TIMD4: variants seen among roughly 807,000 people sequenced by gnomAD.
The protein encoded by TIMD4 is T cell immunoglobulin and mucin domain containing 4, also known as T-cell immunoglobulin and mucin domain-containing protein 4.
In TIMD4, 31 loss-of-function variants were observed where a neutral mutation model predicts 41.2. The ratio of observed to expected loss-of-function variants is 0.75; its 90% CI spans 0.57 to 1.01. TIMD4 has a LOEUF of 1.01. Among genes scored for constraint, TIMD4 ranks in the 50% least tolerant of loss-of-function variants. The pLI is 0.00. For synonymous variants in TIMD4, 204 were observed against 177.1 expected (o/e 1.15, Z -1.21); for missense variants, 479 against 472.5 (o/e 1.01, Z -0.13).
chr5:156,936,075 C>T (rs968408698), intron 5 of TIMD4, among the ~76,000 whole-genome samples: 5 of 151,782 alleles, frequency 3.3e-5, no homozygotes, highest in Non-Finnish European at 2.9e-5. Context: ...ACCATCTCTA[C>T]AAAATAAAAA....
intron 5 of TIMD4, among the ~76,000 whole-genome samples, chr5:156,928,350 G>C (rs1759385387): frequency 6.6e-6 from 1 of 151,782 alleles, no homozygotes; most frequent in Admixed American, 6.6e-5. Context: ...AGAAGAGCAG[G>C]GATCCTGGAA....
intron 3 of TIMD4, 70 bp downstream of exon 3, chr5:156,951,442 A>G: frequency 6.4e-7 from 1 of 1,572,330 alleles, no homozygotes; most frequent in Non-Finnish European, 8.7e-7. Context: ...ACTGAGAGAG[A>G]GCAAGTCACT....
chr5:156,954,238 T>G (rs1457318395), intron 2 of TIMD4, among the ~76,000 whole-genome samples, 177 bp downstream of exon 2: 1 of 152,206 alleles, frequency 6.6e-6, no homozygotes, highest in African/African-American at 2.4e-5. Context: ...TCCACTCATT[T>G]CTGTGGCTGC....
intron 5 of TIMD4, among the ~76,000 whole-genome samples, chr5:156,943,273 AT>A (rs1368860854): frequency 6.6e-6 from 1 of 152,214 alleles, no homozygotes; most frequent in Non-Finnish European, 1.5e-5. Flanking sequence ...CAAGCCAGTA[AT>A]TATGTACTAG....
At chr5:156,928,364 A>G (rs2862058) in intron 5 of TIMD4, among the ~76,000 whole-genome samples, 52,061 of 151,538 alleles carry the variant, frequency 0.34, 10,169 homozygotes, top group African/African-American at 0.54. Context: ...CCTGGAAAAC[A>G]TCAGCATTAA....
intron 5 of TIMD4, 91 bp downstream of exon 5, chr5:156,948,325 A>C: frequency 9.0e-6 from 2 of 222,748 alleles, no homozygotes; most frequent in Non-Finnish European, 1.5e-5. Context: ...TCATCTCTAC[A>C]AAAAAAAAAA....
In TIMD4 at chr5:156,945,450, G is replaced by T. The variant is rs540869599; in HGVS notation, c.844+2966C>A. The stretch of plus-strand genomic sequence containing the variant: ...CTCCATTTCTTTACCTATAAAATGA[G>T]GATAATATCTGTAGCTGCCTAGGAG... On this transcript the variant is annotated intron_variant, in intron 5 of 8. Transcript: ENST00000274532. Among the ~76,000 whole-genome samples, 7 of 152,224 alleles carry T rather than the reference G, an allele frequency of 4.6e-5. No individual in the cohort carries two copies. In the South Asian group the frequency reaches 1.5e-3, roughly 32 times the overall value.
intron 1 of TIMD4, among the ~76,000 whole-genome samples, chr5:156,961,955 TGTTAA>T (rs910602610): frequency 4.0e-5 from 6 of 151,310 alleles, no homozygotes; most frequent in African/African-American, 4.9e-5. Flanking sequence ...ATTAATATTG[TGTTAA>T]GTTAAGCTAG....
At chr5:156,956,911 T>C (rs984131548) in intron 1 of TIMD4, among the ~76,000 whole-genome samples, 1 of 152,196 alleles carries the variant, frequency 6.6e-6, no homozygotes, top group African/African-American at 2.4e-5. Context: ...GCTGTGCTCC[T>C]CCTTGACTCA....
chr5:156,954,703 A>G lies in TIMD4; in HGVS notation c.112T>C (p.Leu38=). Reference sequence around the variant, plus strand: ...GACCAGGATGAGTACAGACAGGGCAAAGTCACCCGGTGACCCAAAACCTCC... The same window carrying G: ...GACCAGGATGAGTACAGACAGGGCAGAGTCACCCGGTGACCCAAAACCTCC... The part of the protein sequence containing the change: ...VTEVLGHRVT[L]PCLYSSWSHN... The change falls in exon 2 of 9, where the codon TTG becomes CTG. Residue 38 remains leucine (L), a synonymous_variant. Coordinates refer to ENST00000274532, the MANE Select transcript of TIMD4 (RefSeq NM_138379.3). 6.2e-7 allele frequency: 1 copy of G among 1,614,058 alleles called. No homozygotes were observed.
intron 1 of TIMD4, among the ~76,000 whole-genome samples, chr5:156,959,631 A>G (rs555604229): frequency 6.6e-5 from 10 of 152,108 alleles, no homozygotes; most frequent in South Asian, 2.1e-4. Flanking sequence ...CCCTTCCCCA[A>G]TCTGAGTCTC....
chr5:156,958,697 C>T (rs6873413), intron 1 of TIMD4, among the ~76,000 whole-genome samples: 2,323 of 152,278 alleles, frequency 0.015, 77 homozygotes, highest in African/African-American at 0.054. Flanking sequence ...AGCAATTTCA[C>T]GTTTGTTATC....
At chr5:156,924,348 T>C (rs1439044691) in intron 6 of TIMD4, 1 of 350,638 alleles carries the variant, frequency 2.9e-6, no homozygotes, top group Non-Finnish European at 5.8e-6. Flanking sequence ...TAAAAGTTGG[T>C]GTCAGGAAAG....
At chr5:156,934,213 C>T (rs1010994297) in intron 5 of TIMD4, among the ~76,000 whole-genome samples, 2 of 152,162 alleles carry the variant, frequency 1.3e-5, no homozygotes, top group Non-Finnish European at 2.9e-5. Flanking sequence ...TTACTATGTG[C>T]CAGGCACAGT....
chr5:156,931,725 A>C (rs1344043634), intron 5 of TIMD4, among the ~76,000 whole-genome samples: 1 of 152,142 alleles, frequency 6.6e-6, no homozygotes, highest in East Asian at 1.9e-4. Flanking sequence ...GTAACACTTA[A>C]CCTTAGATCT....
chr5:156,958,153 T>C lies in TIMD4; in HGVS notation c.59-3397A>G, dbSNP rs183632382. ...TGGGCGTGGTTGTGGGCGCCTGTAA[T>C]CCCAGCTACTTGGGAGGCTGAGGCA... On this transcript the variant is annotated intron_variant, in intron 1 of 8. Coordinates refer to ENST00000274532, the MANE Select transcript of TIMD4 (RefSeq NM_138379.3). Among the ~76,000 whole-genome samples the C allele has an allele frequency of 1.4e-4, 21 of 152,094 alleles. No individual in the cohort carries two copies. In the East Asian group the frequency reaches 4.1e-3, roughly 29 times the overall value.
chr5:156,947,817 G>T (rs780155137), intron 5 of TIMD4, among the ~76,000 whole-genome samples: 2 of 152,160 alleles, frequency 1.3e-5, no homozygotes, highest in Non-Finnish European at 2.9e-5. Flanking sequence ...ATTATCTCAT[G>T]GCAGGGGGCT....
At chr5:156,923,815 T>C (rs1161041117) in intron 6 of TIMD4, among the ~76,000 whole-genome samples, 2 of 151,970 alleles carry the variant, frequency 1.3e-5, no homozygotes, top group Admixed American at 1.3e-4. Context: ...CAAAGTGGGA[T>C]TACAGGAGTG....
At chr5:156,932,469 C>T (rs76710190) in intron 5 of TIMD4, among the ~76,000 whole-genome samples, 1 of 152,146 alleles carries the variant, frequency 6.6e-6, no homozygotes, top group Non-Finnish European at 1.5e-5. Context: ...ATATATACTG[C>T]TTGTTTTTTA....
Sources: gnomAD v4.1 joint callset for allele counts (sites outside exome capture counted in the v4.1 genomes callset) on GRCh38, gnomAD v4.1.1 for gene constraint, MANE v1.5 for transcripts, NCBI Gene and HGNC (gene_info 2026-07-23, HGNC 2026-07-21) for gene names.